The following DGKB variants were observed in gnomAD, a reference collection of about 807,000 sequenced individuals.
The protein encoded by DGKB is diacylglycerol kinase beta.
DGKB carries 67 observed loss-of-function variants against 114.3 expected under a neutral mutation model. That is an observed-to-expected ratio of 0.59 (90% CI 0.48 to 0.72). The LOEUF (loss-of-function observed/expected upper bound fraction) is 0.72, where lower values mean the gene tolerates loss of function less well. Among genes scored for constraint, DGKB ranks in the 30% least tolerant of loss-of-function variants. The pLI is 0.00. For missense variants in DGKB, 907 were observed against 975.2 expected (o/e 0.93, Z 0.93); for synonymous variants, 398 against 323.1 (o/e 1.23, Z -2.49).
intron 12 of DGKB, among the ~76,000 whole-genome samples, chr7:14,674,064 T>G (rs965885656): frequency 5.9e-5 from 9 of 152,138 alleles, no homozygotes; most frequent in African/African-American, 2.2e-4. Context: ...GATTTATTTT[T>G]AGTAATAGAA....
At chr7:14,204,023 T>C (rs1786347710) in intron 23 of DGKB, among the ~76,000 whole-genome samples, 1 of 151,984 alleles carries the variant, frequency 6.6e-6, no homozygotes, top group African/African-American at 2.4e-5. Flanking sequence ...TTATTTTAAC[T>C]GAGCTTCCCA....
intron 20 of DGKB, among the ~76,000 whole-genome samples, chr7:14,573,158 C>T (rs1177391824): frequency 2.6e-5 from 4 of 152,066 alleles, no homozygotes; most frequent in Admixed American, 2.0e-4. Flanking sequence ...TTTATACCAA[C>T]GTGAATAGGA....
chr7:14,475,312 C>T (rs180835819), intron 21 of DGKB, among the ~76,000 whole-genome samples: 2 of 152,122 alleles, frequency 1.3e-5, no homozygotes, highest in African/African-American at 4.8e-5. Context: ...TCTGAACTAT[C>T]TGCCATTGTA....
chr7:14,366,196 C>G lies in DGKB; in HGVS notation c.1836-20805G>C, dbSNP rs144806015. ...TTAATCAATACCAGAGTTTATCATG[C>G]TAGATTACAATTTTAAACTGTGTTT... On this transcript the variant is annotated intron_variant, in intron 21 of 25. Coordinates refer to ENST00000402815, the MANE Select transcript of DGKB (RefSeq NM_001350709.2). Among the ~76,000 whole-genome samples the G allele has an allele frequency of 8.1e-3, 1,232 of 152,188 alleles. 18 individuals are homozygous for G. The highest frequency in any genetic ancestry group is 0.028 in the African/African-American group (1,173 of 41,534).
chr7:14,419,334 G>C (rs761995708), intron 21 of DGKB, among the ~76,000 whole-genome samples: 1 of 151,854 alleles, frequency 6.6e-6, no homozygotes, highest in Non-Finnish European at 1.5e-5. Flanking sequence ...AATCAAAATT[G>C]TACTAGGAAA....
intron 2 of DGKB, among the ~76,000 whole-genome samples, chr7:14,758,778 A>T (rs1835242743): frequency 6.6e-6 from 1 of 152,156 alleles, no homozygotes; most frequent in South Asian, 2.1e-4. Context: ...ATAGATGCCC[A>T]TTGAATATAT....
chr7:14,257,749 G>A (rs1796152551), intron 23 of DGKB, among the ~76,000 whole-genome samples: 1 of 152,062 alleles, frequency 6.6e-6, no homozygotes, highest in Non-Finnish European at 1.5e-5. Context: ...TTTTTGAGAT[G>A]GAGTTTGGCT....
intron 1 of DGKB, among the ~76,000 whole-genome samples, chr7:14,862,296 T>G (rs529127505): frequency 6.6e-6 from 1 of 152,042 alleles, no homozygotes; most frequent in African/African-American, 2.4e-5. Context: ...TGTATGTATG[T>G]GTATGTACAT....
intron 6 of DGKB, 47 bp from the exon 7 acceptor site, chr7:14,701,777 C>T: frequency 7.8e-7 from 1 of 1,287,450 alleles, no homozygotes; most frequent in Non-Finnish European, 1.1e-6. Flanking sequence ...CAAATAAGAT[C>T]AATGTTAGTT....
At chr7:14,687,312 C>T (rs530497383) in intron 9 of DGKB, among the ~76,000 whole-genome samples, 3 of 152,280 alleles carry the variant, frequency 2.0e-5, no homozygotes, top group Middle Eastern at 3.4e-3. Context: ...CTTGACATTG[C>T]TCAGATTTAC....
intron 2 of DGKB, among the ~76,000 whole-genome samples, chr7:14,825,597 G>A (rs1209937524): frequency 2.6e-5 from 4 of 152,102 alleles, no homozygotes; most frequent in East Asian, 1.9e-4. Flanking sequence ...TAATGCAAGC[G>A]ATGGCGAGTG....
intron 20 of DGKB, among the ~76,000 whole-genome samples, chr7:14,487,808 A>G (rs556200003): frequency 1.8e-3 from 276 of 151,342 alleles, no homozygotes; most frequent in African/African-American, 6.2e-3. Flanking sequence ...AGATGAGGTC[A>G]AGCTATGTTG....
Position 14,708,501 on chromosome 7 carries a change from C to A in DGKB, c.467-6771G>T, listed in dbSNP as rs536881347. ...TATGGAACCAAAAGAGAGACGGCATCGCCAAGTGAATCCTAAGCCAAAAGA... is the reference window on the plus strand; with the variant it reads ...TATGGAACCAAAAGAGAGACGGCATAGCCAAGTGAATCCTAAGCCAAAAGA... On this transcript the variant is annotated intron_variant, in intron 6 of 25. Coordinates refer to ENST00000402815, the MANE Select transcript of DGKB (RefSeq NM_001350709.2). 1.3e-3 allele frequency among the ~76,000 whole-genome samples: 190 copies of A among 151,076 alleles called. 1 individual carries two copies. The highest frequency in any genetic ancestry group is 2.0e-3 in the Non-Finnish European group (138 of 67,950).
rs1022194779 is a variant in DGKB at position 14,518,302 on chromosome 7, A to T, written c.1771-40077T>A. Among the ~76,000 whole-genome samples, 4 of 152,060 alleles carry T rather than the reference A, an allele frequency of 2.6e-5. No homozygotes were observed. The East Asian group carries it at 7.7e-4, about 29-fold the overall frequency. ...AGAGAAAAGAATAACAGACACTGGG[A>T]ACTCTTTGAGGGTGAAGATTAAGAG... On this transcript the variant is annotated intron_variant, in intron 20 of 25. Transcript: ENST00000402815.
intron 1 of DGKB, among the ~76,000 whole-genome samples, chr7:14,943,107 T>C (rs1785663810): frequency 6.6e-6 from 1 of 152,024 alleles, no homozygotes; most frequent in South Asian, 2.1e-4. Flanking sequence ...TTTTCTTTCT[T>C]TTTATATTCT....
At chr7:14,465,225 C>G (rs114273826) in intron 21 of DGKB, among the ~76,000 whole-genome samples, 1 of 150,674 alleles carries the variant, frequency 6.6e-6, no homozygotes, top group Non-Finnish European at 1.5e-5. Flanking sequence ...AAAGGCTTTA[C>G]AAGAGCAGAG....
At chr7:14,769,437 G>A (rs1043165891) in intron 2 of DGKB, among the ~76,000 whole-genome samples, 7 of 151,688 alleles carry the variant, frequency 4.6e-5, no homozygotes, top group African/African-American at 1.2e-4. Flanking sequence ...TCCTTTGACC[G>A]ATGTGCTTAT....
chr7:14,528,961 C>T (rs12699636), intron 20 of DGKB, among the ~76,000 whole-genome samples: 55,461 of 151,698 alleles, frequency 0.37, 10,392 homozygotes, highest in Admixed American at 0.45. Flanking sequence ...ATTTGGTCTA[C>T]TGCACTGGGA....
intron 2 of DGKB, among the ~76,000 whole-genome samples, chr7:14,781,848 T>A (rs1229749661): frequency 6.6e-6 from 1 of 152,188 alleles, no homozygotes; most frequent in East Asian, 1.9e-4. Context: ...GCAGTTTTTG[T>A]GTAAGGCCAT....
Sources: gnomAD v4.1 joint callset for allele counts (sites outside exome capture counted in the v4.1 genomes callset) on GRCh38, gnomAD v4.1.1 for gene constraint, MANE v1.5 for transcripts, NCBI Gene and HGNC (gene_info 2026-07-23, HGNC 2026-07-21) for gene names.